Variants in RPL14 observed in about 807,000 individuals in gnomAD.
RPL14 encodes the protein ribosomal protein L14, also known as large ribosomal subunit protein eL14.
A neutral mutation model predicts 25.3 loss-of-function variants in RPL14; 4 were observed. The observed-to-expected ratio is 0.16, with a 90% CI of 0.08 to 0.36. RPL14 has a LOEUF of 0.36. Ranked by LOEUF, RPL14 falls within the 10% of genes least tolerant of loss-of-function variation. RPL14 has a pLI of 1.00. For synonymous variants in RPL14, 75 were observed against 89.8 expected (o/e 0.84, Z 0.93); for missense variants, 212 against 261.9 (o/e 0.81, Z 1.31).
intron 3 of RPL14, 28 bp from the exon 4 acceptor site, chr3:40,461,379 C>A (rs758035159): frequency 6.3e-7 from 1 of 1,597,656 alleles, no homozygotes; most frequent in Non-Finnish European, 8.6e-7. Flanking sequence ...AAGCTGATTT[C>A]TTAATCTGTG....
At chr3:40,461,833 T>C in intron 5 of RPL14, 106 bp from the exon 6 acceptor site, 4 of 1,331,022 alleles carry the variant, frequency 3.0e-6, no homozygotes, top group Non-Finnish European at 3.1e-6. Flanking sequence ...TCTTCAGATG[T>C]AGTTGTAGGG....
At position 40,465,271 on chromosome 3, in the gene RPL14, A is replaced by G. The variant is rs1223584843; in HGVS notation, c.*3039A>G. 1 of 152,212 alleles carries G rather than the reference A, an allele frequency of 6.6e-6. No individual in the cohort carries two copies. The highest frequency in any genetic ancestry group is 1.5e-5 in the Non-Finnish European group (1 of 68,066). The allele number at this position is 152,212 out of a possible 1,614,324, so 9.4% of individuals were successfully genotyped here. On this transcript the variant is annotated 3_prime_UTR_variant, in exon 6 of 6. Coordinates refer to ENST00000396203, the MANE Select transcript of RPL14 (RefSeq NM_001034996.3). The stretch of plus-strand genomic sequence containing the variant: ...GCTTGAGATCGTCAAAGTGAGGGGA[A>G]GAGGGTAGTAAGCAAAGGAGAAATG...
intron 1 of RPL14, 132 bp downstream of exon 1, chr3:40,457,606 T>G (rs766297228): frequency 6.8e-5 from 51 of 749,942 alleles, no homozygotes; most frequent in Non-Finnish European, 1.1e-4. Context: ...CGTGCGCGCC[T>G]CCGCCGCTGG....
chr3:40,457,573 G>A, intron 1 of RPL14, 99 bp downstream of exon 1: 3 of 1,040,808 alleles, frequency 2.9e-6, no homozygotes, highest in Non-Finnish European at 4.3e-6. Context: ...GGGCCCGGCA[G>A]GCCTGGCGCG....
chr3:40,460,208 A>G (rs1408427043), intron 3 of RPL14, among the ~76,000 whole-genome samples: 1 of 152,176 alleles, frequency 6.6e-6, no homozygotes, highest in African/African-American at 2.4e-5. Context: ...CTAACAGTTA[A>G]TATTAATTAC....
chr3:40,460,346 C>CTAAAA (rs1178966821), intron 3 of RPL14, among the ~76,000 whole-genome samples: 14 of 152,010 alleles, frequency 9.2e-5, no homozygotes, highest in Non-Finnish European at 1.0e-4. Flanking sequence ...TAGCCAACCC[C>CTAAAA]GTCTCCACTA....
intron 3 of RPL14, 125 bp downstream of exon 3, chr3:40,458,861 G>A (rs1696884495): frequency 1.4e-6 from 1 of 723,538 alleles, no homozygotes; most frequent in South Asian, 1.6e-5. Context: ...CATCATAGAA[G>A]TAGACAGGGA....
At chr3:40,460,527 GA>G (rs370587678) in intron 3 of RPL14, among the ~76,000 whole-genome samples, 9,302 of 136,138 alleles carry the variant, frequency 0.068, 656 homozygotes, top group African/African-American at 0.18. Flanking sequence ...CTCAAAAAAA[GA>G]AAAAAAAAAA....
intron 5 of RPL14, 138 bp downstream of exon 5, chr3:40,461,799 A>T: frequency 7.9e-7 from 1 of 1,260,870 alleles, no homozygotes; most frequent in Non-Finnish European, 1.1e-6. Context: ...GTATTTCATG[A>T]TGTCCCTATG....
In RPL14 at chr3:40,461,589, G is replaced by A; in HGVS notation, c.301-19G>A. 3.8e-6 allele frequency: 6 copies of A among 1,595,758 alleles called. No individual in the cohort carries two copies. Among genetic ancestry groups the A allele is most frequent in the Non-Finnish European group, 5.1e-6 (6 of 1,172,434 alleles). On this transcript the variant is annotated intron_variant, in intron 4 of 5. Coordinates refer to ENST00000396203, the MANE Select transcript of RPL14 (RefSeq NM_001034996.3). ...AGTGTGAGAGGGATAATTTTTATTT[G>A]TTGTTTTTTTTTTAACAGAAAGCCA...
At position 40,465,745 on chromosome 3, in the gene RPL14, T is replaced by TA. The variant is rs1697018785; in HGVS notation, c.*3514dup. 1 of 152,064 alleles carries TA rather than the reference T, an allele frequency of 6.6e-6. No individual in the cohort carries two copies. The highest frequency in any genetic ancestry group is 1.5e-5 in the Non-Finnish European group (1 of 68,054). The allele number at this position is 152,064 out of a possible 1,614,324, so 9.4% of individuals were successfully genotyped here. ...CTCAGAGGATGAGAAAGCTTCAGGG[T>TA]AGAAGCAGTATTCAAGCTGCACCTA... On this transcript the variant is annotated 3_prime_UTR_variant, in exon 6 of 6. Transcript: ENST00000396203.
rs1054674271 is a variant in RPL14 at position 40,467,066 on chromosome 3, C to T, written c.*4834C>T. The T allele has an allele frequency of 1.3e-5, 2 of 152,038 alleles. No homozygotes were observed. The highest frequency in any genetic ancestry group is 4.8e-5 in the African/African-American group (2 of 41,390). The allele number at this position is 152,038 out of a possible 1,614,324, so 9.4% of individuals were successfully genotyped here. A position where few individuals can be genotyped will look rare whatever the true frequency, so the allele number is the denominator to read the frequency against. ...TATCTCCACTTCCAATTCCAGTACC[C>T]TGTGTAAAGGAAAACATATACATCT... On this transcript the variant is annotated 3_prime_UTR_variant, in exon 6 of 6. Transcript: ENST00000396203.
intron 3 of RPL14, among the ~76,000 whole-genome samples, chr3:40,460,740 C>G (rs1696924803): frequency 6.6e-6 from 1 of 151,932 alleles, no homozygotes; most frequent in Non-Finnish European, 1.5e-5. Flanking sequence ...TGCAACCACG[C>G]CCAGCTAATT....
At chr3:40,459,842 G>A (rs546724668) in intron 3 of RPL14, among the ~76,000 whole-genome samples, 79 of 132,704 alleles carry the variant, frequency 6.0e-4, no homozygotes, top group African/African-American at 2.2e-3. Context: ...CTGGGTGACA[G>A]AGCGAGACTC....
chr3:40,467,143 C>T lies in RPL14; in HGVS notation c.*4911C>T, dbSNP rs565571093. ...ATATAGGTACATAAAAATATATGTG[C>T]TTGTTTTAAGCAAATTTCATACTCT... On this transcript the variant is annotated 3_prime_UTR_variant, in exon 6 of 6. Coordinates refer to ENST00000396203, the MANE Select transcript of RPL14 (RefSeq NM_001034996.3). 1.4e-4 allele frequency: 22 copies of T among 152,110 alleles called. No individual in the cohort carries two copies. Among genetic ancestry groups the T allele is most frequent in the African/African-American group, 5.1e-4 (21 of 41,502 alleles). 9.4% of individuals were successfully genotyped at this position (152,110 alleles called of 1,614,324 possible).
At position 40,463,777 on chromosome 3, in the gene RPL14, A is replaced by G. The variant is rs966045091; in HGVS notation, c.*1545A>G. On this transcript the variant is annotated 3_prime_UTR_variant, in exon 6 of 6. Coordinates refer to ENST00000396203, the MANE Select transcript of RPL14 (RefSeq NM_001034996.3). ...CTGTATAGACCTAGGTCCCATCCCC[A>G]AAGTGTCATGTATATGCACTTAACT... 6.6e-6 allele frequency: 1 copy of G among 152,230 alleles called. No individual in the cohort carries two copies. The highest frequency in any genetic ancestry group is 2.4e-5 in the African/African-American group (1 of 41,422). 9.4% of individuals were successfully genotyped at this position (152,230 alleles called of 1,614,324 possible).
At chr3:40,460,142 A>T (rs539362765) in intron 3 of RPL14, among the ~76,000 whole-genome samples, 302 of 152,186 alleles carry the variant, frequency 2.0e-3, no homozygotes, top group African/African-American at 7.0e-3. Context: ...CCTGGATTTT[A>T]TTTTTAGGAT....
At chr3:40,459,811 A>G (rs1197241329) in intron 3 of RPL14, among the ~76,000 whole-genome samples, 1 of 141,338 alleles carries the variant, frequency 7.1e-6, no homozygotes, top group African/African-American at 2.6e-5. Flanking sequence ...GTGAGCCGAG[A>G]TCGCAACACT....
In RPL14 at chr3:40,464,675, G is replaced by C. The variant is rs75337936; in HGVS notation, c.*2443G>C. On this transcript the variant is annotated 3_prime_UTR_variant, in exon 6 of 6. Transcript: ENST00000396203. ...GACTGAATCTTATGGGATCAAGACT[G>C]GGAATGCTCGGGTTGGCAGTATGAA... 9.6e-4 allele frequency: 329 copies of C among 344,006 alleles called. No individual in the cohort carries two copies. Among genetic ancestry groups the C allele is most frequent in the African/African-American group, 6.4e-3 (302 of 47,134 alleles). 21.3% of individuals were successfully genotyped at this position (344,006 alleles called of 1,614,324 possible).
Sources: gnomAD v4.1 joint callset for allele counts (sites outside exome capture counted in the v4.1 genomes callset) on GRCh38, gnomAD v4.1.1 for gene constraint, MANE v1.5 for transcripts, NCBI Gene and HGNC (gene_info 2026-07-23, HGNC 2026-07-21) for gene names.